The following STAU1 variants were observed in gnomAD, a reference collection of about 807,000 sequenced individuals.
STAU1 encodes staufen double-stranded RNA binding protein 1.
STAU1 carries 13 observed loss-of-function variants against 62.9 expected under a neutral mutation model. That is an observed-to-expected ratio of 0.21 (90% CI 0.13 to 0.33). The LOEUF is 0.33. Among genes scored for constraint, STAU1 ranks in the 10% least tolerant of loss-of-function variants. STAU1 has a pLI of 1.00. For missense variants in STAU1, 571 were observed against 712.1 expected (o/e 0.80, Z 2.25); for synonymous variants, 269 against 265.1 (o/e 1.01, Z -0.14).
At chr20:49,139,450 C>T (rs918814230) in intron 5 of STAU1, among the ~76,000 whole-genome samples, 10 of 152,198 alleles carry the variant, frequency 6.6e-5, no homozygotes, top group African/African-American at 2.4e-4. Context: ...GTCGGCTGGG[C>T]ACAGTGGCTC....
intron 3 of STAU1, among the ~76,000 whole-genome samples, chr20:49,154,386 C>T (rs1043034387): frequency 1.4e-4 from 22 of 152,128 alleles, no homozygotes; most frequent in Admixed American, 5.2e-4. Flanking sequence ...TCAAATTTCA[C>T]GATTAAAAAA....
At chr20:49,180,161 C>T (rs2093705410) in intron 1 of STAU1, among the ~76,000 whole-genome samples, 2 of 152,132 alleles carry the variant, frequency 1.3e-5, no homozygotes. Flanking sequence ...GTATTAGCCA[C>T]AAGAGGGATG....
intron 4 of STAU1, 57 bp from the exon 5 acceptor site, chr20:49,151,804 C>A: frequency 6.8e-7 from 1 of 1,466,880 alleles, no homozygotes. Context: ...GTCACCTATA[C>A]ACTCTCTGGC....
At position 49,114,681 on chromosome 20, in the gene STAU1, A is replaced by G. The variant is rs1408238328; in HGVS notation, c.*197T>C. On this transcript the variant is annotated 3_prime_UTR_variant, in exon 14 of 14. Transcript: ENST00000371856. ...CGCCAGGTCACCGAGTGGCCATCACAACAAACCCCAGCACAGTCCAGCCCG... is the reference window on the plus strand; with the variant it reads ...CGCCAGGTCACCGAGTGGCCATCACGACAAACCCCAGCACAGTCCAGCCCG... The G allele has an allele frequency of 1.7e-6, 1 of 573,166 alleles. No individual in the cohort carries two copies. Among genetic ancestry groups the G allele is most frequent in the Non-Finnish European group, 3.2e-6 (1 of 317,044 alleles). The allele number at this position is 573,166 out of a possible 1,614,324, so 35.5% of individuals were successfully genotyped here.
chr20:49,157,480 A>AT lies in STAU1; in HGVS notation c.206-3410dup, dbSNP rs964768758. On this transcript the variant is annotated intron_variant, in intron 3 of 13. Coordinates refer to ENST00000371856, the MANE Select transcript of STAU1 (RefSeq NM_017453.4). Reference sequence around the variant, plus strand: ...AGGCACACACCACCATACTTGGCTAATTTTTTTTTTTTATTTTTTTGAGAC... The same window carrying AT: ...AGGCACACACCACCATACTTGGCTAATTTTTTTTTTTTTATTTTTTTGAGAC... Among the ~76,000 whole-genome samples, 209 of 146,300 alleles carry AT rather than the reference A, an allele frequency of 1.4e-3. 1 individual carries two copies. The highest frequency in any genetic ancestry group is 3.8e-3 in the African/African-American group (154 of 40,054).
chr20:49,162,019 C>T (rs2093455974), intron 3 of STAU1, among the ~76,000 whole-genome samples: 1 of 152,156 alleles, frequency 6.6e-6, no homozygotes, highest in African/African-American at 2.4e-5. Context: ...TCTGAGCAGA[C>T]ACTGGTTACT....
chr20:49,203,498 G>C, the STAU1 span, among the ~76,000 whole-genome samples: 1 of 152,128 alleles, frequency 6.6e-6, no homozygotes, highest in Non-Finnish European at 1.5e-5. Context: ...GACAGGTCCA[G>C]AACATACATA....
intron 3 of STAU1, among the ~76,000 whole-genome samples, chr20:49,164,302 C>T (rs1568911519): frequency 6.6e-6 from 1 of 151,196 alleles, no homozygotes; most frequent in African/African-American, 2.4e-5. Context: ...AAGAAGGAGA[C>T]TTTTTTTCTT....
intron 12 of STAU1, 133 bp downstream of exon 12, chr20:49,116,993 C>G: frequency 8.5e-7 from 1 of 1,183,124 alleles, no homozygotes; most frequent in East Asian, 2.5e-5. Flanking sequence ...TGAACACTAT[C>G]AAACGATTCA....
chr20:49,186,499 AT>A (rs1398118343), intron 1 of STAU1, among the ~76,000 whole-genome samples: 1 of 152,158 alleles, frequency 6.6e-6, no homozygotes, highest in Non-Finnish European at 1.5e-5. Flanking sequence ...CACTAAGGAA[AT>A]TTAATGCCTA....
intron 3 of STAU1, among the ~76,000 whole-genome samples, chr20:49,164,948 G>A (rs1304794301): frequency 6.6e-6 from 1 of 152,064 alleles, no homozygotes; most frequent in East Asian, 1.9e-4. Context: ...AGTAAATCTG[G>A]CTGCCCCCTT....
rs2092869487 is a variant in STAU1 at position 49,135,816 on chromosome 20, A to G, written c.609+17T>C. On this transcript the variant is annotated intron_variant, in intron 6 of 13. Transcript: ENST00000371856. ...AGGATTTTAGAATACAAAGTCCTAC[A>G]TGTAAAATTAGCTTACCTCGAAATT... is the stretch of plus-strand genomic sequence containing the variant. 1 of 1,596,526 alleles carries G rather than the reference A, an allele frequency of 6.3e-7. No homozygotes were observed. Among genetic ancestry groups the G allele is most frequent in the South Asian group, 1.1e-5 (1 of 90,110 alleles).
At chr20:49,210,056 AAT>A in the STAU1 span, among the ~76,000 whole-genome samples, 3 of 141,554 alleles carry the variant, frequency 2.1e-5, no homozygotes, top group South Asian at 2.3e-4. Flanking sequence ...CTCAAAAAAA[AAT>A]AATAATAATA....
chr20:49,179,559 CTT>C (rs2093699588), intron 1 of STAU1, among the ~76,000 whole-genome samples: 1 of 152,178 alleles, frequency 6.6e-6, no homozygotes, highest in African/African-American at 2.4e-5. Context: ...CATAATGAGA[CTT>C]ATTATTACAT....
At chr20:49,124,790 G>A (rs2092553248) in intron 6 of STAU1, among the ~76,000 whole-genome samples, 1 of 152,142 alleles carries the variant, frequency 6.6e-6, no homozygotes, top group Admixed American at 6.5e-5. Context: ...TGAGTCTGGT[G>A]AGTCCCAAAC....
At chr20:49,131,734 T>G (rs2092753940) in intron 6 of STAU1, among the ~76,000 whole-genome samples, 1 of 151,542 alleles carries the variant, frequency 6.6e-6, no homozygotes, top group South Asian at 2.1e-4. Flanking sequence ...TCCCAGCTAC[T>G]CAGGAGGCTG....
chr20:49,120,368 G>T (rs1289640920), intron 8 of STAU1, among the ~76,000 whole-genome samples: 3 of 152,186 alleles, frequency 2.0e-5, no homozygotes. Context: ...TATTTTAACA[G>T]AGGTAATTTT....
chr20:49,206,747 A>ATTT, the STAU1 span, among the ~76,000 whole-genome samples: 1 of 83,842 alleles, frequency 1.2e-5, no homozygotes, highest in African/African-American at 5.6e-5. Flanking sequence ...ATATATATAT[A>ATTT]TATATTTTAT....
At chr20:49,214,882 C>T in the STAU1 span, among the ~76,000 whole-genome samples, 5 of 152,204 alleles carry the variant, frequency 3.3e-5, no homozygotes, top group African/African-American at 4.8e-5. Context: ...GGGACACAAA[C>T]ATTTAGTCCA....
Sources: gnomAD v4.1 joint callset for allele counts (sites outside exome capture counted in the v4.1 genomes callset) on GRCh38, gnomAD v4.1.1 for gene constraint, MANE v1.5 for transcripts, NCBI Gene and HGNC (gene_info 2026-07-23, HGNC 2026-07-21) for gene names.